The following GMDS variants were observed in gnomAD, a reference collection of about 807,000 sequenced individuals.
The protein encoded by GMDS is GDP-mannose 4,6-dehydratase, also known as GDP-mannose 4,6 dehydratase.
In GMDS, 20 loss-of-function variants were observed where a neutral mutation model predicts 49.9. The observed-to-expected ratio is 0.40, with a 90% CI of 0.28 to 0.58. GMDS has a LOEUF of 0.58. Among genes scored for constraint, GMDS ranks in the 20% least tolerant of loss-of-function variants. The pLI, the probability that GMDS is intolerant of heterozygous loss-of-function variation, is 0.42. For missense variants in GMDS, 362 were observed against 481.4 expected, an observed-to-expected ratio of 0.75 and a Z score of 2.32; for synonymous variants, 177 against 178.6, an observed-to-expected ratio of 0.99 and a Z score of 0.07.
intron 4 of GMDS, among the ~76,000 whole-genome samples, chr6:2,025,832 C>T (rs1362629310): frequency 1.3e-5 from 2 of 152,074 alleles, no homozygotes; most frequent in African/African-American, 2.4e-5. Flanking sequence ...TCCTAAAAAA[C>T]CGACATAGGA....
intron 7 of GMDS, among the ~76,000 whole-genome samples, chr6:1,835,174 AG>A (rs1196288780): frequency 2.0e-5 from 3 of 152,192 alleles, no homozygotes; most frequent in Admixed American, 2.0e-4. Flanking sequence ...GGGGTCTGTC[AG>A]GGAAGTTTTC....
chr6:2,195,570 T>C (rs1779241076), intron 1 of GMDS, among the ~76,000 whole-genome samples: 1 of 152,190 alleles, frequency 6.6e-6, no homozygotes, highest in African/African-American at 2.4e-5. Flanking sequence ...ATAAAGTAAG[T>C]TTTTAAAAGC....
In GMDS at chr6:1,635,971, G is replaced by A. The variant is rs916537707; in HGVS notation, c.988-11431C>T. ...CCTCACAAGGCACTTTTCCTACGTC[G>A]CATTTCCAGAGTAACCTGCCACCGT... On this transcript the variant is annotated intron_variant, in intron 9 of 10. Coordinates refer to ENST00000380815, the MANE Select transcript of GMDS (RefSeq NM_001500.4). This position sits in a 1 kb window ranked among gnomAD's most constrained non-coding sequence, Gnocchi z 4.7. Among the ~76,000 whole-genome samples, 8 of 152,096 alleles carry A rather than the reference G, an allele frequency of 5.3e-5. No homozygotes were observed. Among genetic ancestry groups the A allele is most frequent in the South Asian group, 2.1e-4 (1 of 4,826 alleles).
intron 4 of GMDS, among the ~76,000 whole-genome samples, chr6:2,019,156 A>G (rs1768096731): frequency 6.6e-6 from 1 of 150,928 alleles, no homozygotes; most frequent in Admixed American, 6.6e-5. Flanking sequence ...TTGATCTAGT[A>G]TCCTGAATCT....
intron 7 of GMDS, among the ~76,000 whole-genome samples, chr6:1,884,469 T>C (rs1450588236): frequency 6.6e-6 from 1 of 152,222 alleles, no homozygotes; most frequent in Non-Finnish European, 1.5e-5. Flanking sequence ...TTGGCAGCCC[T>C]TAAGGGGCTA....
At chr6:2,011,397 A>C (rs1767549755) in intron 4 of GMDS, among the ~76,000 whole-genome samples, 1 of 152,248 alleles carries the variant, frequency 6.6e-6, no homozygotes, top group African/African-American at 2.4e-5. Context: ...GAGATTTCTC[A>C]AAGAACTGAA....
At chr6:1,972,660 T>C (rs1343405176) in intron 4 of GMDS, among the ~76,000 whole-genome samples, 1 of 152,220 alleles carries the variant, frequency 6.6e-6, no homozygotes, top group African/African-American at 2.4e-5. Context: ...TCCCTTCTAT[T>C]TTGAATGTAA....
At chr6:2,048,753 T>C (rs960110686) in intron 4 of GMDS, among the ~76,000 whole-genome samples, 2 of 152,244 alleles carry the variant, frequency 1.3e-5, no homozygotes, top group African/African-American at 4.8e-5. Flanking sequence ...CTGCTTCTAA[T>C]TGATATTTTA....
rs538107827 is a variant in GMDS at position 2,052,972 on chromosome 6, T to A, written c.345+62799A>T. The stretch of plus-strand genomic sequence containing the variant: ...TAAACTTCTCATCGTTAGGAAACTT[T>A]TAGCTAAGTTTTTTCTGCTCCTTGC... On this transcript the variant is annotated intron_variant, in intron 4 of 10. Coordinates refer to ENST00000380815, the MANE Select transcript of GMDS (RefSeq NM_001500.4). Among the ~76,000 whole-genome samples, 90 of 152,346 alleles carry A rather than the reference T, an allele frequency of 5.9e-4. 4 individuals are homozygous for A. The South Asian group carries it at 0.018, about 30-fold the overall frequency.
At chr6:2,006,124 C>A (rs1767149830) in intron 4 of GMDS, among the ~76,000 whole-genome samples, 1 of 152,030 alleles carries the variant, frequency 6.6e-6, no homozygotes, top group South Asian at 2.1e-4. Context: ...GTGGCACCAA[C>A]AGAAACATAA....
Position 1,707,781 on chromosome 6 carries a change from G to A in GMDS, c.987+18635C>T, listed in dbSNP as rs575110752. Among the ~76,000 whole-genome samples the A allele has an allele frequency of 1.3e-4, 20 of 152,352 alleles. No homozygotes were observed. The East Asian group carries it at 2.5e-3, about 19-fold the overall frequency. On this transcript the variant is annotated intron_variant, in intron 9 of 10. Coordinates refer to ENST00000380815, the MANE Select transcript of GMDS (RefSeq NM_001500.4). ...CCCAGATTTGGACGTTGGAAAGTGC[G>A]CTTGCACTGAAAGCAATTTTACATA...
intron 9 of GMDS, among the ~76,000 whole-genome samples, chr6:1,719,622 T>TA (rs10667150): frequency 3.3e-3 from 480 of 146,124 alleles, no homozygotes; most frequent in Middle Eastern, 7.0e-3. Flanking sequence ...CTGATTTGTT[T>TA]AAAAAAAAAA....
At chr6:2,022,506 TAAAAG>T (rs1045985110) in intron 4 of GMDS, among the ~76,000 whole-genome samples, 32 of 152,282 alleles carry the variant, frequency 2.1e-4, no homozygotes, top group South Asian at 6.2e-4. Flanking sequence ...ATTCAAATTT[TAAAAG>T]AAAAGGAGTG....
intron 1 of GMDS, among the ~76,000 whole-genome samples, chr6:2,214,526 T>C (rs548267760): frequency 9.2e-5 from 14 of 152,368 alleles, no homozygotes; most frequent in Admixed American, 5.9e-4. Flanking sequence ...TTATCATACA[T>C]AGCAGAATGT....
intron 1 of GMDS, among the ~76,000 whole-genome samples, chr6:2,180,444 A>G (rs1339688808): frequency 2.0e-5 from 3 of 152,198 alleles, no homozygotes; most frequent in African/African-American, 7.2e-5. Flanking sequence ...ATGTACTAAG[A>G]AAAAAATGGT....
At chr6:1,757,430 T>G (rs1248835014) in intron 7 of GMDS, among the ~76,000 whole-genome samples, 1 of 152,196 alleles carries the variant, frequency 6.6e-6, no homozygotes, top group Admixed American at 6.5e-5. Context: ...CCTGGCCCAG[T>G]AGGAACAACA....
At chr6:1,786,737 C>T (rs1769337706) in intron 7 of GMDS, among the ~76,000 whole-genome samples, 2 of 152,062 alleles carry the variant, frequency 1.3e-5, no homozygotes, top group African/African-American at 4.8e-5. Flanking sequence ...TGTGGCATCT[C>T]CTAAATGAGA....
At chr6:1,970,713 T>C (rs1412995235) in intron 4 of GMDS, among the ~76,000 whole-genome samples, 2 of 151,598 alleles carry the variant, frequency 1.3e-5, no homozygotes, top group Non-Finnish European at 2.9e-5. Flanking sequence ...GGTGGGAGGA[T>C]AGAGATCCAA....
chr6:1,895,567 T>C (rs1176048632), intron 7 of GMDS, among the ~76,000 whole-genome samples: 3 of 152,222 alleles, frequency 2.0e-5, no homozygotes, highest in South Asian at 4.1e-4. Context: ...GGATACTGTA[T>C]TGAACAGCAC....
Sources: gnomAD v4.1 joint callset for allele counts (sites outside exome capture counted in the v4.1 genomes callset) on GRCh38, gnomAD v4.1.1 for gene constraint, Gnocchi (gnomAD v3.1) non-coding constraint, MANE v1.5 for transcripts, NCBI Gene and HGNC (gene_info 2026-07-23, HGNC 2026-07-21) for gene names.